Variants in ABTB2 observed in about 807,000 individuals in gnomAD.
ABTB2 encodes the protein ankyrin repeat and BTB domain containing 2.
ABTB2 carries 56 observed loss-of-function variants against 104.1 expected under a neutral mutation model. That is an observed-to-expected ratio of 0.54 (90% CI 0.43 to 0.67). The LOEUF (loss-of-function observed/expected upper bound fraction) is 0.67, where lower values mean the gene tolerates loss of function less well. Ranked by LOEUF, ABTB2 falls within the 30% of genes least tolerant of loss-of-function variation. The probability of loss-of-function intolerance (pLI) is 0.00; values close to 1 mark genes in which losing one functional copy is unlikely to be tolerated. For missense variants in ABTB2, 1,279 were observed against 1,407.7 expected (o/e 0.91, Z 1.46); for synonymous variants, 606 against 608.2 (o/e 1.00, Z 0.05).
intron 1 of ABTB2, 74 bp from the exon 2 acceptor site, chr11:34,204,764 C>A (rs1233291129): frequency 7.3e-6 from 11 of 1,511,920 alleles, no homozygotes; most frequent in Non-Finnish European, 9.0e-6. Context: ...CTGCTGCAGG[C>A]AGGGCTCAGC....
At chr11:34,172,463 T>C (rs200204839) in intron 4 of ABTB2, among the ~76,000 whole-genome samples, 18 of 97,752 alleles carry the variant, frequency 1.8e-4, no homozygotes, top group South Asian at 2.9e-4. Flanking sequence ...GATAGATAGA[T>C]AGATAGATAG....
At chr11:34,309,638 AC>A (rs1210900599) in intron 1 of ABTB2, among the ~76,000 whole-genome samples, 1 of 151,486 alleles carries the variant, frequency 6.6e-6, no homozygotes. Flanking sequence ...ACTTGACATC[AC>A]CAATAATGAG....
chr11:34,257,924 G>C (rs561489825), intron 1 of ABTB2, among the ~76,000 whole-genome samples: 1 of 152,184 alleles, frequency 6.6e-6, no homozygotes, highest in South Asian at 2.1e-4. Flanking sequence ...CTACCTAGGG[G>C]TTGTTAATAA....
rs1033123152 is a variant in ABTB2, at chr11:34,159,794, G to A, written c.2606+112C>T. 1.2e-5 allele frequency: 10 copies of A among 841,874 alleles called. No homozygotes were observed. In the Admixed American group the frequency reaches 2.0e-4, roughly 16 times the overall value. The allele number at this position is 841,874 out of a possible 1,614,324, so 52.2% of individuals were successfully genotyped here. ...CTGCTGCAATGTGACTGCAGTCTGA[G>A]GGGCAGAGGCTGCAGGGTACAGCCC... On this transcript the variant is annotated intron_variant, in intron 13 of 16. Transcript: ENST00000435224.
chr11:34,157,473 C>T (rs952292956), intron 14 of ABTB2, among the ~76,000 whole-genome samples: 17 of 152,226 alleles, frequency 1.1e-4, no homozygotes, highest in Admixed American at 4.6e-4. Flanking sequence ...GGTCCCCTTA[C>T]AGGCAGTGGT....
intron 2 of ABTB2, among the ~76,000 whole-genome samples, chr11:34,200,401 A>C (rs1018289692): frequency 1.3e-5 from 2 of 152,216 alleles, no homozygotes; most frequent in African/African-American, 4.8e-5. Flanking sequence ...CAGATAACCC[A>C]AAAGTTCAGA....
intron 1 of ABTB2, among the ~76,000 whole-genome samples, chr11:34,285,705 C>A (rs1260105991): frequency 6.6e-6 from 1 of 152,172 alleles, no homozygotes; most frequent in Non-Finnish European, 1.5e-5. Context: ...CTGGGTAGCG[C>A]TCTCCAACCA....
chr11:34,355,160 T>C (rs1254105986), intron 1 of ABTB2, among the ~76,000 whole-genome samples: 3 of 152,228 alleles, frequency 2.0e-5, no homozygotes, highest in Non-Finnish European at 4.4e-5. Flanking sequence ...TAAGCCATGC[T>C]TGGTACAGAG....
intron 1 of ABTB2, among the ~76,000 whole-genome samples, chr11:34,350,699 G>A (rs143412880): frequency 2.0e-5 from 3 of 152,292 alleles, no homozygotes; most frequent in African/African-American, 7.2e-5. Context: ...GGACACCATA[G>A]GCCATTAACA....
chr11:34,180,267 A>G (rs934159484), intron 3 of ABTB2, among the ~76,000 whole-genome samples: 6 of 152,216 alleles, frequency 3.9e-5, no homozygotes, highest in African/African-American at 1.4e-4. Context: ...TGTGAGCTGG[A>G]AACTGTTTCT....
At chr11:34,155,430 A>G (rs1244417520) in intron 14 of ABTB2, among the ~76,000 whole-genome samples, 1 of 152,228 alleles carries the variant, frequency 6.6e-6, no homozygotes, top group Non-Finnish European at 1.5e-5. Context: ...GTGGTCCAGG[A>G]CCGGGAACGA....
chr11:34,193,674 A>G lies in ABTB2; in HGVS notation c.1244+3651T>C, dbSNP rs145769408. On this transcript the variant is annotated intron_variant, in intron 3 of 16. Transcript: ENST00000435224. ...GAAATGGGCTTTAAAAGAAGGGCGT[A>G]TGTTATCTGACTTTGTCCTACCGGA... Among the ~76,000 whole-genome samples the G allele has an allele frequency of 1.5e-4, 23 of 152,358 alleles. 1 individual carries two copies. In the East Asian group the frequency reaches 2.3e-3, roughly 15 times the overall value.
chr11:34,304,940 C>T (rs1246821115), intron 1 of ABTB2, among the ~76,000 whole-genome samples: 3 of 152,344 alleles, frequency 2.0e-5, no homozygotes, highest in Admixed American at 2.0e-4. Flanking sequence ...TTCCCAGGTG[C>T]CTGTCAGTGT....
chr11:34,241,641 C>T (rs551608243), intron 1 of ABTB2, among the ~76,000 whole-genome samples: 2 of 152,196 alleles, frequency 1.3e-5, no homozygotes, highest in Non-Finnish European at 2.9e-5. Flanking sequence ...CCTGTAATCA[C>T]AGCGCTTTGG....
Position 34,162,786 on chromosome 11 carries a change from G to C in ABTB2, c.2008C>G (p.Leu670Val), listed in dbSNP as rs902523334. The change falls in exon 10 of 17, where the codon CTG becomes GTG. Residue 670 changes from leucine (L) to valine (V), a missense_variant. Coordinates refer to ENST00000435224, the MANE Select transcript of ABTB2 (RefSeq NM_145804.3). ...HGHRNVLRKL[L>V]TQPQQAKADV... is the part of the protein sequence containing the mutation. ...GCTTTAGCCTGCTGTGGCTGCGTCA[G>C]GAGCTTCCTCAGGACGTTCCTGCAG... 1.9e-6 allele frequency: 3 copies of C among 1,605,428 alleles called. No individual in the cohort carries two copies. Among genetic ancestry groups the C allele is most frequent in the African/African-American group, 2.7e-5 (2 of 74,926 alleles).
At chr11:34,254,618 T>G (rs1854098362) in intron 1 of ABTB2, among the ~76,000 whole-genome samples, 1 of 151,806 alleles carries the variant, frequency 6.6e-6, no homozygotes, top group African/African-American at 2.4e-5. Flanking sequence ...TGGTAGCCAC[T>G]AGCCACATGT....
intron 1 of ABTB2, among the ~76,000 whole-genome samples, chr11:34,294,463 G>C (rs1050942252): frequency 1.3e-5 from 2 of 152,212 alleles, no homozygotes; most frequent in Non-Finnish European, 2.9e-5. Context: ...GCTGATGGGA[G>C]AGAATCAGTG....
intron 1 of ABTB2, among the ~76,000 whole-genome samples, chr11:34,289,807 C>A (rs774657631): frequency 6.6e-6 from 1 of 152,130 alleles, no homozygotes; most frequent in Admixed American, 6.6e-5. Flanking sequence ...GACAGGTAAC[C>A]AAATCCTGAG....
At chr11:34,222,921 G>C (rs1853642283) in intron 1 of ABTB2, among the ~76,000 whole-genome samples, 1 of 152,182 alleles carries the variant, frequency 6.6e-6, no homozygotes. Context: ...TGGGAAGGTG[G>C]GCCTTTCCCT....
Sources: allele counts gnomAD v4.1 joint callset (sites outside exome capture counted in the v4.1 genomes callset), GRCh38; gene constraint gnomAD v4.1.1; transcripts MANE v1.5; gene names NCBI Gene and HGNC (gene_info 2026-07-23, HGNC 2026-07-21).